The following GALNT7 variants were observed in gnomAD, a reference collection of about 807,000 sequenced individuals.
GALNT7 encodes polypeptide N-acetylgalactosaminyltransferase 7.
In GALNT7, 60 loss-of-function variants were observed where a neutral mutation model predicts 82.1. The observed-to-expected ratio is 0.73, with a 90% confidence interval of 0.59 to 0.91. The LOEUF (loss-of-function observed/expected upper bound fraction) is 0.91. Among genes scored for constraint, GALNT7 ranks in the 40% least tolerant of loss-of-function variants. GALNT7 has a pLI of 0.00. For missense variants in GALNT7, 660 were observed against 804.2 expected (o/e 0.82, Z 2.17); for synonymous variants, 243 against 275.1 (o/e 0.88, Z 1.15).
intron 2 of GALNT7, among the ~76,000 whole-genome samples, chr4:173,257,954 G>A (rs541805911): frequency 1.6e-4 from 24 of 152,338 alleles, no homozygotes; most frequent in South Asian, 1.2e-3. Flanking sequence ...GAGTCCACAC[G>A]TGGTAAGCTG....
intron 2 of GALNT7, among the ~76,000 whole-genome samples, chr4:173,270,729 T>A (rs1345480786): frequency 6.6e-6 from 1 of 152,258 alleles, no homozygotes; most frequent in Admixed American, 6.5e-5. Context: ...TTTGGATTTA[T>A]AAACCACCAA....
chr4:173,189,385 T>C (rs1732554618), intron 1 of GALNT7, among the ~76,000 whole-genome samples: 2 of 152,240 alleles, frequency 1.3e-5, no homozygotes, highest in African/African-American at 4.8e-5. Flanking sequence ...ACTCCAGTTA[T>C]GAGTCAAATG....
intron 1 of GALNT7, among the ~76,000 whole-genome samples, chr4:173,197,234 T>TGAC (rs951899885): frequency 2.0e-5 from 3 of 152,160 alleles, no homozygotes; most frequent in Non-Finnish European, 4.4e-5. Context: ...AGCAAAATAG[T>TGAC]GACGCTCTGC....
intron 2 of GALNT7, among the ~76,000 whole-genome samples, chr4:173,274,600 A>G (rs1437719711): frequency 1.3e-5 from 2 of 152,146 alleles, no homozygotes; most frequent in Non-Finnish European, 2.9e-5. Context: ...TATAAAATGA[A>G]TAATAATAAT....
intron 1 of GALNT7, among the ~76,000 whole-genome samples, chr4:173,214,288 TAAAA>T (rs11330286): frequency 7.1e-6 from 1 of 140,584 alleles, no homozygotes; most frequent in Admixed American, 7.1e-5. Flanking sequence ...CAAAGCTCTT[TAAAA>T]AAAAAAAAAA....
chr4:173,207,503 AT>A (rs1210771220), intron 1 of GALNT7, among the ~76,000 whole-genome samples: 1 of 152,108 alleles, frequency 6.6e-6, no homozygotes, highest in Admixed American at 6.5e-5. Context: ...ACCATTAAAT[AT>A]TTTCCATATC....
intron 2 of GALNT7, among the ~76,000 whole-genome samples, chr4:173,266,868 G>GGTGTGT (rs71596614): frequency 0.021 from 2,019 of 95,036 alleles, 42 homozygotes; most frequent in East Asian, 0.029. Context: ...GGCTGGGAAG[G>GGTGTGT]GTGTGTGTGT....
intron 3 of GALNT7, among the ~76,000 whole-genome samples, chr4:173,293,562 A>G (rs1237095197): frequency 6.6e-6 from 1 of 152,244 alleles, no homozygotes; most frequent in African/African-American, 2.4e-5. Context: ...GACTAAATGC[A>G]TATAAAAGGA....
At chr4:173,176,280 T>C (rs1732039884) in intron 1 of GALNT7, among the ~76,000 whole-genome samples, 1 of 152,118 alleles carries the variant, frequency 6.6e-6, no homozygotes, top group South Asian at 2.1e-4. Flanking sequence ...GAAGCCAGTA[T>C]GGCCGGAGTT....
At chr4:173,283,118 A>T (rs1736177372) in intron 2 of GALNT7, among the ~76,000 whole-genome samples, 1 of 152,196 alleles carries the variant, frequency 6.6e-6, no homozygotes, top group African/African-American at 2.4e-5. Context: ...CACTAATGAG[A>T]CTAGAAATTA....
chr4:173,304,033 GT>G lies in GALNT7; in HGVS notation c.1306del (p.Ser436LeufsTer27), dbSNP rs1737055273. On this transcript the variant is annotated frameshift_variant, in exon 8 of 12. Transcript: ENST00000265000. LOFTEE classifies it high-confidence loss of function. The part of the protein sequence containing the change: ...QCGGKLLFVP[C>X]SRVGHIYRLE... ...GGTGGCAAATTATTATTTGTTCCTT[GT>G]TCTCGTGTTGGACATATCTACCGTC... is the stretch of plus-strand genomic sequence containing the variant. 6.2e-7 allele frequency: 1 copy of G among 1,611,716 alleles called. No individual in the cohort carries two copies.
chr4:173,231,655 A>T (rs2126709367), intron 1 of GALNT7, among the ~76,000 whole-genome samples: 1 of 152,282 alleles, frequency 6.6e-6, no homozygotes, highest in African/African-American at 2.4e-5. Context: ...TAGTAGTTTT[A>T]TTTTTTAAAA....
intron 1 of GALNT7, among the ~76,000 whole-genome samples, chr4:173,215,832 G>A (rs756925984): frequency 6.6e-6 from 1 of 152,160 alleles, no homozygotes. Flanking sequence ...TTAAAAGGCC[G>A]GGTGCAGTGG....
chr4:173,284,861 A>C (rs748859201), intron 2 of GALNT7, among the ~76,000 whole-genome samples: 3 of 152,192 alleles, frequency 2.0e-5, no homozygotes, highest in South Asian at 2.1e-4. Flanking sequence ...ATCCTATTCA[A>C]TCTTAACCAG....
intron 1 of GALNT7, among the ~76,000 whole-genome samples, chr4:173,246,930 C>T (rs1489134949): frequency 6.6e-6 from 1 of 152,066 alleles, no homozygotes. Context: ...TGCCTCTTCA[C>T]CAGCTGTGTC....
At chr4:173,240,112 C>T (rs186734494) in intron 1 of GALNT7, among the ~76,000 whole-genome samples, 62 of 152,236 alleles carry the variant, frequency 4.1e-4, no homozygotes, top group Middle Eastern at 6.8e-3. Context: ...ATCTCTGAAA[C>T]ACTTTAAATA....
At chr4:173,224,721 T>G (rs1733748875) in intron 1 of GALNT7, among the ~76,000 whole-genome samples, 1 of 152,074 alleles carries the variant, frequency 6.6e-6, no homozygotes, top group East Asian at 1.9e-4. Context: ...TTTTTAAAAA[T>G]GCAAATATTG....
chr4:173,264,505 A>G (rs1374774488), intron 2 of GALNT7, among the ~76,000 whole-genome samples: 1 of 152,068 alleles, frequency 6.6e-6, no homozygotes, highest in East Asian at 1.9e-4. Flanking sequence ...CTGAGTCTCA[A>G]TTTTCTTATC....
intron 1 of GALNT7, among the ~76,000 whole-genome samples, chr4:173,232,398 G>A (rs1734058744): frequency 6.6e-6 from 1 of 151,956 alleles, no homozygotes; most frequent in Admixed American, 6.6e-5. Flanking sequence ...AGTGTGTAAT[G>A]ATCAAATCAG....
Sources: allele counts gnomAD v4.1 joint callset (sites outside exome capture counted in the v4.1 genomes callset), GRCh38; gene constraint gnomAD v4.1.1; transcripts MANE v1.5; gene names NCBI Gene and HGNC (gene_info 2026-07-23, HGNC 2026-07-21).